Variants in LRRC7 observed in about 807,000 individuals in gnomAD.
LRRC7 encodes leucine rich repeat containing 7.
LRRC7 carries 23 observed loss-of-function variants against 175.7 expected under a neutral mutation model. The observed-to-expected ratio is 0.13, with a 90% CI of 0.09 to 0.19. LRRC7 has a LOEUF of 0.19. Ranked by LOEUF, LRRC7 falls within the 10% of genes least tolerant of loss-of-function variation. The probability of loss-of-function intolerance (pLI) is 1.00; values close to 1 mark genes in which losing one functional copy is unlikely to be tolerated. For synonymous variants in LRRC7, 685 were observed against 680.9 expected (o/e 1.01, Z -0.09); for missense variants, 1,354 against 1,904.7 (o/e 0.71, Z 5.38).
In LRRC7 at chr1:70,125,075, CA is replaced by C. The variant is rs981049720; in HGVS notation, c.*3189del. Among the ~76,000 whole-genome samples, 1 of 152,220 alleles carries C rather than the reference CA, an allele frequency of 6.6e-6. No individual in the cohort carries two copies. The highest frequency in any genetic ancestry group is 2.4e-5 in the African/African-American group (1 of 41,454). ...TAACTCCAGCCTTCTGATGACAACA[CA>C]GTAACCTAAACATACATAGTAACTC... On this transcript the variant is annotated 3_prime_UTR_variant, in exon 27 of 27. Transcript: ENST00000651989.
chr1:69,594,002 A>AT lies in LRRC7; in HGVS notation c.2+25368dup, dbSNP rs1237554674. On this transcript the variant is annotated intron_variant, in intron 1 of 26. Coordinates refer to ENST00000651989, the MANE Select transcript of LRRC7 (RefSeq NM_001370785.2). ...GAAGTTTTCTTAATTTTCTGCAGGT[A>AT]TTTTTTTCCTTTTGAAATGGAGATG... Among the ~76,000 whole-genome samples, 11 of 152,210 alleles carry AT rather than the reference A, an allele frequency of 7.2e-5. 1 individual carries two copies. In the South Asian group the frequency reaches 2.3e-3, roughly 32 times the overall value.
intron 8 of LRRC7, among the ~76,000 whole-genome samples, chr1:69,946,163 G>A (rs1285036212): frequency 6.6e-6 from 1 of 152,002 alleles, no homozygotes; most frequent in African/African-American, 2.4e-5. Flanking sequence ...TACTTAATTT[G>A]TTAAGAGTTT....
At chr1:69,975,515 C>T (rs1652721883) in intron 8 of LRRC7, among the ~76,000 whole-genome samples, 2 of 152,084 alleles carry the variant, frequency 1.3e-5, no homozygotes, top group African/African-American at 4.8e-5. Context: ...TCTATTTTCT[C>T]CTAGACTCAG....
chr1:69,828,474 T>G (rs910941063), intron 5 of LRRC7, among the ~76,000 whole-genome samples: 6 of 152,138 alleles, frequency 3.9e-5, no homozygotes, highest in Non-Finnish European at 7.4e-5. Context: ...TTAGCCAGTG[T>G]AGTAGAAATG....
chr1:69,642,390 G>A (rs1235357236), intron 1 of LRRC7, among the ~76,000 whole-genome samples: 1 of 151,336 alleles, frequency 6.6e-6, no homozygotes, highest in East Asian at 1.9e-4. Flanking sequence ...TATTTCCCAA[G>A]AAAAAAGGAA....
At chr1:69,984,838 G>T (rs1326775940) in intron 9 of LRRC7, among the ~76,000 whole-genome samples, 1 of 152,096 alleles carries the variant, frequency 6.6e-6, no homozygotes, top group Non-Finnish European at 1.5e-5. Context: ...CAATCCTTTT[G>T]CTTTCCTTGC....
In LRRC7 at chr1:69,587,759, G is replaced by A. The variant is rs116358844; in HGVS notation, c.2+19118G>A. Among the ~76,000 whole-genome samples, 1,513 of 152,172 alleles carry A rather than the reference G, an allele frequency of 9.9e-3. 24 individuals carry two copies. The highest frequency in any genetic ancestry group is 0.035 in the African/African-American group (1,440 of 41,500). On this transcript the variant is annotated intron_variant, in intron 1 of 26. Transcript: ENST00000651989. ...AAGCTGATGGTTTTAAAAGTGTTTG[G>A]AAGTTTCCCTATTATTATCTCTCTC...
rs1187074972 is a variant in LRRC7, at chr1:70,123,042, T to A, written c.*1155T>A. On this transcript the variant is annotated 3_prime_UTR_variant, in exon 27 of 27. Transcript: ENST00000651989. Reference sequence around the variant, plus strand: ...GGGCAGAAATAGATAAAATACTTTTTTTCCAAAAACAGTTTCAAGGTATGT... The same window carrying A: ...GGGCAGAAATAGATAAAATACTTTTATTCCAAAAACAGTTTCAAGGTATGT... 6.6e-6 allele frequency: 1 copy of A among 152,548 alleles called. No individual in the cohort carries two copies. The highest frequency in any genetic ancestry group is 1.5e-5 in the Non-Finnish European group (1 of 67,970). The allele number at this position is 152,548 out of a possible 1,614,324, so 9.4% of individuals were successfully genotyped here.
intron 23 of LRRC7, among the ~76,000 whole-genome samples, chr1:70,060,060 C>T (rs559308730): frequency 2.0e-5 from 3 of 152,022 alleles, no homozygotes; most frequent in African/African-American, 7.2e-5. Context: ...CCTGTATTCC[C>T]AGCACTTAGC....
intron 15 of LRRC7, 34 bp downstream of exon 15, chr1:70,018,852 TA>T (rs1332474190): frequency 8.8e-6 from 13 of 1,483,796 alleles, no homozygotes; most frequent in Non-Finnish European, 1.2e-5. Context: ...TCTCTACTTA[TA>T]ATGATTATGG....
chr1:69,723,416 G>A (rs1177011451), intron 2 of LRRC7, among the ~76,000 whole-genome samples: 1 of 152,100 alleles, frequency 6.6e-6, no homozygotes, highest in Non-Finnish European at 1.5e-5. Context: ...TACCAAAAAT[G>A]GGAAAGGCAT....
chr1:69,794,364 T>C (rs1431896821), intron 4 of LRRC7, among the ~76,000 whole-genome samples: 3 of 152,186 alleles, frequency 2.0e-5, no homozygotes, highest in African/African-American at 7.2e-5. Flanking sequence ...CTACACCAAC[T>C]TGACTTGCCA....
intron 1 of LRRC7, among the ~76,000 whole-genome samples, chr1:69,579,821 C>T (rs552399570): frequency 1.5e-5 from 2 of 135,346 alleles, no homozygotes; most frequent in African/African-American, 5.8e-5. Flanking sequence ...TTTGGTAGAG[C>T]CAGCATCTTC....
At chr1:69,855,920 T>A (rs1683555388) in intron 7 of LRRC7, among the ~76,000 whole-genome samples, 1 of 152,196 alleles carries the variant, frequency 6.6e-6, no homozygotes, top group Non-Finnish European at 1.5e-5. Flanking sequence ...TGGTTTAAAG[T>A]CTGTTTTATC....
Position 70,121,990 on chromosome 1 carries a change from CATT to C in LRRC7, c.*105_*107del, listed in dbSNP as rs1259272544. 1.4e-6 allele frequency: 1 copy of C among 716,800 alleles called. No homozygotes were observed. Among genetic ancestry groups the C allele is most frequent in the Non-Finnish European group, 2.5e-6 (1 of 404,720 alleles). 44.4% of individuals were successfully genotyped at this position (716,800 alleles called of 1,614,324 possible). A position where few individuals can be genotyped will look rare whatever the true frequency, so the allele number is the denominator to read the frequency against. On this transcript the variant is annotated 3_prime_UTR_variant, in exon 27 of 27. Transcript: ENST00000651989. ...TGCCAATTGCTGGACCAATGGCAAA[CATT>C]AGTGCCAAATGTATAATACTATATG...
At chr1:69,871,749 T>C (rs1172020239) in intron 7 of LRRC7, among the ~76,000 whole-genome samples, 8 of 151,946 alleles carry the variant, frequency 5.3e-5, no homozygotes, top group Admixed American at 3.9e-4. Flanking sequence ...ACCCAACTTA[T>C]AGCAAAATCC....
intron 11 of LRRC7, among the ~76,000 whole-genome samples, chr1:70,002,912 TA>T (rs1183656026): frequency 6.6e-6 from 1 of 152,152 alleles, no homozygotes; most frequent in Non-Finnish European, 1.5e-5. Flanking sequence ...TATCTGGTTC[TA>T]AAAAAGAAAA....
intron 7 of LRRC7, among the ~76,000 whole-genome samples, chr1:69,891,316 A>G (rs1392642557): frequency 6.6e-6 from 1 of 152,190 alleles, no homozygotes; most frequent in Non-Finnish European, 1.5e-5. Flanking sequence ...AGAGGGAGAG[A>G]GGAATGGTCT....
At chr1:69,784,470 C>A (rs1674165869) in intron 3 of LRRC7, among the ~76,000 whole-genome samples, 1 of 152,142 alleles carries the variant, frequency 6.6e-6, no homozygotes, top group South Asian at 2.1e-4. Flanking sequence ...AAAATAAATA[C>A]AATGACTCAC....
Sources: allele counts gnomAD v4.1 joint callset (sites outside exome capture counted in the v4.1 genomes callset), GRCh38; gene constraint gnomAD v4.1.1; transcripts MANE v1.5; gene names NCBI Gene and HGNC (gene_info 2026-07-23, HGNC 2026-07-21).